VPS13B: variants seen among roughly 807,000 people sequenced by gnomAD.
VPS13B encodes the protein intermembrane lipid transfer protein VPS13B.
In VPS13B, 285 loss-of-function variants were observed where a neutral mutation model predicts 426.4. The ratio of observed to expected loss-of-function variants is 0.67; its 90% confidence interval spans 0.61 to 0.74. The LOEUF (loss-of-function observed/expected upper bound fraction) is 0.74. VPS13B is among the 30% of genes least tolerant of loss of function. The pLI, the probability that VPS13B is intolerant of heterozygous loss-of-function variation, is 0.00. For missense variants in VPS13B, 4,537 were observed against 4,782.6 expected (o/e 0.95, Z 1.51); for synonymous variants, 1,676 against 1,676.4 (o/e 1.00, Z 0.01).
intron 24 of VPS13B, among the ~76,000 whole-genome samples, chr8:99,476,736 A>T (rs1299707194): frequency 1.3e-5 from 2 of 152,170 alleles, no homozygotes; most frequent in Non-Finnish European, 2.9e-5. Context: ...AGCAAAAATA[A>T]CTTTTATAAA....
At chr8:99,300,986 G>A (rs1043579859) in intron 19 of VPS13B, among the ~76,000 whole-genome samples, 2 of 151,006 alleles carry the variant, frequency 1.3e-5, no homozygotes, top group Non-Finnish European at 2.9e-5. Flanking sequence ...CACTTTGGTG[G>A]GTGGCTCGCT....
intron 17 of VPS13B, among the ~76,000 whole-genome samples, chr8:99,213,944 C>G (rs1815250761): frequency 6.6e-6 from 1 of 151,926 alleles, no homozygotes; most frequent in Admixed American, 6.6e-5. Flanking sequence ...AATTCCAACT[C>G]TCTGGATGTG....
chr8:99,057,923 A>G (rs868089055), intron 3 of VPS13B, among the ~76,000 whole-genome samples: 3 of 152,166 alleles, frequency 2.0e-5, no homozygotes, highest in Non-Finnish European at 4.4e-5. Context: ...GTCTCTAGAC[A>G]TGATATTCTT....
At chr8:99,156,445 T>C (rs1811368752) in intron 14 of VPS13B, 104 bp from the exon 15 acceptor site, 14 of 1,078,446 alleles carry the variant, frequency 1.3e-5, no homozygotes, top group Non-Finnish European at 1.7e-5. Flanking sequence ...CTAGATTGAT[T>C]TGATATCACT....
rs548067405 is a variant in VPS13B at position 99,436,998 on chromosome 8, T to A, written c.3210+5334T>A. Among the ~76,000 whole-genome samples the A allele has an allele frequency of 2.6e-5, 4 of 152,162 alleles. No individual in the cohort carries two copies. The East Asian group carries it at 7.7e-4, about 29-fold the overall frequency. On this transcript the variant is annotated intron_variant, in intron 22 of 61. Coordinates refer to ENST00000357162, the MANE Select transcript of VPS13B (RefSeq NM_152564.5). ...TCGTGATCCACCCGCCTCGGCCTCCTAAAGTGCTGGGATTACAGGCGTGAG... is the reference window on the plus strand; with the variant it reads ...TCGTGATCCACCCGCCTCGGCCTCCAAAAGTGCTGGGATTACAGGCGTGAG...
chr8:99,380,985 A>G (rs1813768130), intron 19 of VPS13B, among the ~76,000 whole-genome samples: 1 of 151,348 alleles, frequency 6.6e-6, no homozygotes, highest in African/African-American at 2.4e-5. Flanking sequence ...TGCAGATTAT[A>G]TTACCACCCA....
chr8:99,581,874 C>T (rs543029186), intron 33 of VPS13B, among the ~76,000 whole-genome samples: 6 of 152,312 alleles, frequency 3.9e-5, no homozygotes, highest in South Asian at 4.1e-4. Flanking sequence ...TAGCTCGCTG[C>T]GATAGTTCAC....
chr8:99,772,960 G>T (rs1811583844), intron 40 of VPS13B, among the ~76,000 whole-genome samples: 1 of 152,186 alleles, frequency 6.6e-6, no homozygotes, highest in Admixed American at 6.5e-5. Flanking sequence ...ATGAATGCCA[G>T]TATGCTGTTG....
chr8:99,675,075 C>T (rs914654563), intron 35 of VPS13B, among the ~76,000 whole-genome samples: 4 of 151,300 alleles, frequency 2.6e-5, no homozygotes, highest in African/African-American at 9.7e-5. Flanking sequence ...TCATCCTTTT[C>T]TTTCAGCTTG....
intron 17 of VPS13B, chr8:99,233,918 G>C (rs1017001169): frequency 2.5e-6 from 2 of 791,116 alleles, no homozygotes; most frequent in East Asian, 4.9e-5. Context: ...GGCATGGATG[G>C]TGACAAGCTT....
intron 37 of VPS13B, 56 bp from the exon 38 acceptor site, chr8:99,720,289 A>T: frequency 7.5e-7 from 1 of 1,336,064 alleles, no homozygotes; most frequent in South Asian, 1.2e-5. Context: ...ATACCTAATT[A>T]GTCTCAAGAA....
intron 23 of VPS13B, among the ~76,000 whole-genome samples, chr8:99,457,644 A>G (rs1271653717): frequency 6.7e-6 from 1 of 150,214 alleles, no homozygotes; most frequent in Admixed American, 6.6e-5. Context: ...GTTTAGTTTT[A>G]TCTTATTATT....
chr8:99,326,586 A>T (rs1270918370), intron 19 of VPS13B, among the ~76,000 whole-genome samples: 5 of 144,540 alleles, frequency 3.5e-5, no homozygotes, highest in African/African-American at 1.3e-4. Context: ...TTTTGTAGAG[A>T]TGAGGTTTTG....
chr8:99,326,202 A>G (rs1810247503), intron 19 of VPS13B, among the ~76,000 whole-genome samples: 1 of 152,104 alleles, frequency 6.6e-6, no homozygotes, highest in Non-Finnish European at 1.5e-5. Flanking sequence ...GGTTTAGATG[A>G]GGAACCCTGC....
chr8:99,525,819 G>A (rs1442154294), intron 30 of VPS13B, among the ~76,000 whole-genome samples: 4 of 152,152 alleles, frequency 2.6e-5, no homozygotes, highest in Non-Finnish European at 4.4e-5. Context: ...AGTTAGAGAT[G>A]GACAGCATGG....
At chr8:99,262,628 T>C (rs1818103167) in intron 17 of VPS13B, among the ~76,000 whole-genome samples, 1 of 152,236 alleles carries the variant, frequency 6.6e-6, no homozygotes, top group Non-Finnish European at 1.5e-5. Flanking sequence ...TTGGAAGCTC[T>C]TGACTATCTC....
intron 23 of VPS13B, among the ~76,000 whole-genome samples, chr8:99,444,436 G>A (rs1817818910): frequency 1.3e-5 from 2 of 152,120 alleles, no homozygotes; most frequent in Admixed American, 6.6e-5. Flanking sequence ...GTCAGGCAGA[G>A]AGTAAATAGA....
chr8:99,271,677 C>G (rs943757070), intron 17 of VPS13B, among the ~76,000 whole-genome samples: 2 of 152,156 alleles, frequency 1.3e-5, no homozygotes, highest in Non-Finnish European at 2.9e-5. Flanking sequence ...AGGAAACTTA[C>G]AATTATGGCA....
chr8:99,576,837 C>A (rs1825801107), intron 32 of VPS13B, among the ~76,000 whole-genome samples: 1 of 152,188 alleles, frequency 6.6e-6, no homozygotes, highest in Non-Finnish European at 1.5e-5. Flanking sequence ...CTACCCAATG[C>A]TGCCAAGATT....
Sources: gnomAD v4.1 joint callset for allele counts (sites outside exome capture counted in the v4.1 genomes callset) on GRCh38, gnomAD v4.1.1 for gene constraint, MANE v1.5 for transcripts, NCBI Gene and HGNC (gene_info 2026-07-23, HGNC 2026-07-21) for gene names.